KIAA1549L: variants seen among roughly 807,000 people sequenced by gnomAD.
The protein encoded by KIAA1549L is KIAA1549 like, also known as UPF0606 protein KIAA1549L.
KIAA1549L carries 88 observed loss-of-function variants against 160.7 expected under a neutral mutation model. The ratio of observed to expected loss-of-function variants is 0.55; its 90% CI spans 0.46 to 0.65. KIAA1549L has a LOEUF of 0.65. Among genes scored for constraint, KIAA1549L ranks in the 30% least tolerant of loss-of-function variants. The pLI is 0.00. For missense variants in KIAA1549L, 2,258 were observed against 2,437.5 expected, an observed-to-expected ratio of 0.93 and a Z score of 1.55; for synonymous variants, 950 against 976.7, an observed-to-expected ratio of 0.97 and a Z score of 0.51.
chr11:33,620,175 G>C (rs1349238821), intron 16 of KIAA1549L, among the ~76,000 whole-genome samples: 2 of 152,174 alleles, frequency 1.3e-5, no homozygotes, highest in African/African-American at 4.8e-5. Flanking sequence ...AGCATCTGTG[G>C]AATGTCATGT....
intron 14 of KIAA1549L, among the ~76,000 whole-genome samples, chr11:33,607,811 C>T (rs536928159): frequency 1.3e-5 from 2 of 152,294 alleles, no homozygotes; most frequent in South Asian, 4.1e-4. Flanking sequence ...ACTCAGGAAG[C>T]AACTCTTGTT....
chr11:33,404,505 C>T (rs570500160), intron 1 of KIAA1549L, among the ~76,000 whole-genome samples: 14 of 151,820 alleles, frequency 9.2e-5, no homozygotes, highest in African/African-American at 1.5e-4. Flanking sequence ...CCAGCCTGGG[C>T]GACAGAGCGA....
In KIAA1549L at chr11:33,660,923, A is replaced by T. The variant is rs745424079; in HGVS notation, c.6068A>T (p.Tyr2023Phe). 6.2e-7 allele frequency: 1 copy of T among 1,613,718 alleles called. No homozygotes were observed. Among genetic ancestry groups the T allele is most frequent in the Non-Finnish European group, 8.5e-7 (1 of 1,179,784 alleles). The part of the protein sequence containing the change: ...PAANRPGFTG[Y>F]FIPTPPSSYR... ...GCCAACAGACCTGGCTTCACCGGCT[A>T]CTTCATCCCAACGCCTCCCTCATCC... Residue 2023 changes from tyrosine (Y) to phenylalanine (F), a missense_variant, in exon 20 of 21, where the codon TAC (tyrosine) becomes TTC (phenylalanine). Around this residue, in one of 6 missense-constraint regions of KIAA1549L, gnomAD observed 1,359 missense variants for 1,546.6 expected, o/e 0.88. Transcript: ENST00000658780.
chr11:33,399,328 T>C (rs1286557335), intron 1 of KIAA1549L, among the ~76,000 whole-genome samples: 5 of 152,204 alleles, frequency 3.3e-5, no homozygotes, highest in Non-Finnish European at 5.9e-5. Context: ...TCCTCTATTC[T>C]AAATTTTGCT....
rs960416175 is a variant in KIAA1549L at position 33,544,344 on chromosome 11, C to T, written c.2773+8C>T. ...ACCCCAAGAAATGGACAGGTGCAGC[C>T]ACTAATGCAGGTAGTTTGTTTCCCG... On this transcript the variant is annotated splice_region_variant and intron_variant, in intron 2 of 20. Coordinates refer to ENST00000658780, the MANE Select transcript of KIAA1549L (RefSeq NM_012194.3). 1.2e-6 allele frequency: 2 copies of T among 1,613,182 alleles called. No homozygotes were observed. The highest frequency in any genetic ancestry group is 1.7e-6 in the Non-Finnish European group (2 of 1,179,512).
At position 33,483,302 on chromosome 11, in the gene KIAA1549L, G is replaced by T. The variant is rs78900338; in HGVS notation, c.239-58500G>T. 4.4e-3 allele frequency among the ~76,000 whole-genome samples: 676 copies of T among 152,276 alleles called. 8 individuals carry two copies. Among genetic ancestry groups the T allele is most frequent in the African/African-American group, 0.015 (640 of 41,558 alleles). On this transcript the variant is annotated intron_variant, in intron 1 of 20. Coordinates refer to ENST00000658780, the MANE Select transcript of KIAA1549L (RefSeq NM_012194.3). ...ATATCTTGTTTGAGGGGTAGACAGGGTTGGAAATTGTTGAGGGGGAGAAAT... is the reference window on the plus strand; with the variant it reads ...ATATCTTGTTTGAGGGGTAGACAGGTTTGGAAATTGTTGAGGGGGAGAAAT...
chr11:33,658,602 T>G (rs901199988), intron 18 of KIAA1549L, 148 bp from the exon 19 acceptor site: 1 of 734,590 alleles, frequency 1.4e-6, no homozygotes, highest in Non-Finnish European at 2.2e-6. Flanking sequence ...GAAGTCCGTT[T>G]GTTATCTGGG....
chr11:33,504,533 T>A lies in KIAA1549L; in HGVS notation c.239-37269T>A, dbSNP rs1276987423. On this transcript the variant is annotated intron_variant, in intron 1 of 20. Transcript: ENST00000658780. ...CCCAGGCTGGAGCGTAGTGAGGTGA[T>A]CTTGGCTCATTGCAACCTCTGCCTC... is the stretch of plus-strand genomic sequence containing the variant. Among the ~76,000 whole-genome samples the A allele has an allele frequency of 2.6e-5, 4 of 152,156 alleles. No individual in the cohort carries two copies. The East Asian group carries it at 7.8e-4, about 30-fold the overall frequency.
intron 1 of KIAA1549L, among the ~76,000 whole-genome samples, chr11:33,396,698 A>G (rs1372528077): frequency 6.6e-6 from 1 of 151,568 alleles, no homozygotes; most frequent in South Asian, 2.1e-4. Context: ...TGGTCATGGT[A>G]GCTAGCACTT....
rs192162541 is a variant in KIAA1549L at position 33,652,310 on chromosome 11, A to G, written c.5761-3702A>G. 6.6e-3 allele frequency among the ~76,000 whole-genome samples: 997 copies of G among 152,196 alleles called. 4 individuals are homozygous for G. The highest frequency in any genetic ancestry group is 9.8e-3 in the Non-Finnish European group (665 of 68,016). On this transcript the variant is annotated intron_variant, in intron 17 of 20. Coordinates refer to ENST00000658780, the MANE Select transcript of KIAA1549L (RefSeq NM_012194.3). ...GAACATGCACAGGAGTGGGTAGAAG[A>G]CACCCTGGGGGAGGATTCCTTCAAC...
intron 1 of KIAA1549L, among the ~76,000 whole-genome samples, chr11:33,515,481 A>T (rs1853322923): frequency 6.6e-6 from 1 of 152,244 alleles, no homozygotes; most frequent in African/African-American, 2.4e-5. Context: ...AGCCACAGTC[A>T]TATGACCAGC....
In KIAA1549L at chr11:33,396,882, A is replaced by G. The variant is rs140470834; in HGVS notation, c.238+19993A>G. 2.7e-3 allele frequency among the ~76,000 whole-genome samples: 408 copies of G among 151,518 alleles called. 1 individual carries two copies. The highest frequency in any genetic ancestry group is 9.0e-3 in the African/African-American group (372 of 41,290). ...GGAGAATTGTTTGAACCTGGGAGGC[A>G]GAGGTTGCAGTGAGCCGAGGTTGCG... On this transcript the variant is annotated intron_variant, in intron 1 of 20. Transcript: ENST00000658780.
At chr11:33,496,860 T>C (rs1402957749) in intron 1 of KIAA1549L, among the ~76,000 whole-genome samples, 1 of 152,180 alleles carries the variant, frequency 6.6e-6, no homozygotes, top group African/African-American at 2.4e-5. Flanking sequence ...TCCTTTCTAA[T>C]CTTACTTTGT....
intron 1 of KIAA1549L, among the ~76,000 whole-genome samples, chr11:33,379,144 G>A (rs1208501060): frequency 6.6e-6 from 1 of 152,168 alleles, no homozygotes; most frequent in Admixed American, 6.5e-5. Flanking sequence ...GCTCTCCCTT[G>A]TTGTTTAAGG....
chr11:33,454,517 T>G (rs1851782505), intron 1 of KIAA1549L, among the ~76,000 whole-genome samples: 1 of 152,126 alleles, frequency 6.6e-6, no homozygotes, highest in Admixed American at 6.5e-5. Context: ...AGGGCTTCAT[T>G]GCATTAAGGG....
At chr11:33,593,885 TTACTCTATAAGAC>T (rs1414313131) in intron 12 of KIAA1549L, among the ~76,000 whole-genome samples, 5 of 152,206 alleles carry the variant, frequency 3.3e-5, no homozygotes, top group African/African-American at 1.2e-4. Flanking sequence ...CAGTGTGTAA[TTACTCTATAAGAC>T]TGGGAAGAAT....
chr11:33,658,766 G>A lies in KIAA1549L; in HGVS notation c.5875G>A (p.Gly1959Ser), dbSNP rs766136439. ...CCCATCTAGATCCACCTCAGACATCGGCAGCAAGACCAGAATGGCCGAGTC... is the reference window on the plus strand; with the variant it reads ...CCCATCTAGATCCACCTCAGACATCAGCAGCAAGACCAGAATGGCCGAGTC... Reference protein sequence around the residue: ...ASLRRSTSDIGSKTRMAESTG... With the variant: ...ASLRRSTSDISSKTRMAESTG... Residue 1959 changes from glycine (G) to serine (S), a missense_variant, in exon 19 of 21, where the codon GGC becomes AGC. This residue lies in a region of KIAA1549L where 1,359 missense variants were observed against 1,546.6 expected (regional missense o/e 0.88). Coordinates refer to ENST00000658780, the MANE Select transcript of KIAA1549L (RefSeq NM_012194.3). 2.5e-5 allele frequency: 40 copies of A among 1,573,204 alleles called. No individual in the cohort carries two copies. The highest frequency in any genetic ancestry group is 7.2e-5 in the East Asian group (3 of 41,634).
rs151191172 is a variant in KIAA1549L, at chr11:33,646,032, G to A, written c.5756G>A (p.Arg1919Gln). 131 of 1,556,614 alleles carry A rather than the reference G, an allele frequency of 8.4e-5. No individual in the cohort carries two copies. The highest frequency in any genetic ancestry group is 3.8e-4 in the Middle Eastern group (2 of 5,198). The change falls in exon 17 of 21, where the codon CGG becomes CAG. Residue 1919 changes from arginine to glutamine, a missense_variant. Coordinates refer to ENST00000658780, the MANE Select transcript of KIAA1549L (RefSeq NM_012194.3). ...GAAATGTATCAGTACAGTCTGCCCCGGCCGGTAAGTCATTCATTCCACCCA... is the reference window on the plus strand; with the variant it reads ...GAAATGTATCAGTACAGTCTGCCCCAGCCGGTAAGTCATTCATTCCACCCA... The part of the protein sequence containing the change: ...RPEMYQYSLP[R>Q]PAYRFSQLPE...
At chr11:33,627,275 A>G (rs1851143482) in intron 16 of KIAA1549L, among the ~76,000 whole-genome samples, 1 of 149,410 alleles carries the variant, frequency 6.7e-6, no homozygotes, top group Non-Finnish European at 1.5e-5. Flanking sequence ...GCCTCATAAA[A>G]TGAGTGAGGG....
Sources: gnomAD v4.1 joint callset for allele counts (sites outside exome capture counted in the v4.1 genomes callset) on GRCh38, gnomAD v4.1.1 for gene constraint, gnomAD v4.1.1 regional missense constraint, MANE v1.5 for transcripts, NCBI Gene and HGNC (gene_info 2026-07-23, HGNC 2026-07-21) for gene names.